GSE1: variants seen among roughly 807,000 people sequenced by gnomAD.
GSE1 encodes genetic suppressor element 1.
GSE1 carries 32 observed loss-of-function variants against 112.6 expected under a neutral mutation model. The observed-to-expected ratio is 0.28, with a 90% CI of 0.21 to 0.38. The LOEUF is 0.38. Ranked by LOEUF, GSE1 falls within the 10% of genes least tolerant of loss-of-function variation. The pLI is 1.00. For missense variants in GSE1, 2,348 were observed against 1,699.2 expected (o/e 1.38, Z -6.71); for synonymous variants, 1,115 against 735.6 (o/e 1.52, Z -8.35).
chr16:85,607,416 C>CGCTCACA (rs1221202827), upstream of GSE1, among the ~76,000 whole-genome samples: 1 of 152,244 alleles, frequency 6.6e-6, no homozygotes, highest in Non-Finnish European at 1.5e-5. Flanking sequence ...GGCTCGGCGG[C>CGCTCACA]GCTCACAAAG....
chr16:85,272,195 T>C (rs1312411704), intron 1 of GSE1, among the ~76,000 whole-genome samples: 1 of 152,230 alleles, frequency 6.6e-6, no homozygotes, highest in Non-Finnish European at 1.5e-5. Flanking sequence ...TTTGGATGTC[T>C]GAGTTTGGGC....
At chr16:85,651,606 C>T (rs577619307) in intron 3 of GSE1, among the ~76,000 whole-genome samples, 8 of 152,276 alleles carry the variant, frequency 5.3e-5, no homozygotes, top group East Asian at 1.9e-4. Context: ...GGGCAGCATG[C>T]GGAGGAGGGC....
Position 85,305,230 on chromosome 16 carries a change from C to T in GSE1, c.2284-52233C>T, listed in dbSNP as rs552733895. Among the ~76,000 whole-genome samples the T allele has an allele frequency of 2.8e-4, 43 of 152,352 alleles. No individual in the cohort carries two copies. In the East Asian group the frequency reaches 4.1e-3, roughly 14 times the overall value. On this transcript the variant is annotated intron_variant, in intron 1 of 2. Transcript: ENST00000637419. ...CCACAAAATACTGATGTCCTGGCCT[C>T]GTTCCAGTCCGCGAAGCTAGAATCT...
At chr16:85,321,874 G>C (rs778779240) in intron 1 of GSE1, among the ~76,000 whole-genome samples, 1 of 152,114 alleles carries the variant, frequency 6.6e-6, no homozygotes, top group Non-Finnish European at 1.5e-5. Context: ...TAGAGTAACA[G>C]CCTCGGACAC....
At chr16:85,602,794 C>T (rs1323169586) in intron 1 of GSE1, among the ~76,000 whole-genome samples, 1 of 152,364 alleles carries the variant, frequency 6.6e-6, no homozygotes, top group Middle Eastern at 3.4e-3. Flanking sequence ...GGTGTCCAGG[C>T]TCAGCAGGTG....
chr16:85,465,837 A>G (rs1011859572), intron 2 of GSE1, among the ~76,000 whole-genome samples: 6 of 152,238 alleles, frequency 3.9e-5, no homozygotes, highest in African/African-American at 1.4e-4. Flanking sequence ...TAGGTGCCCA[A>G]TAAATGTTTG....
intron 2 of GSE1, among the ~76,000 whole-genome samples, chr16:85,472,100 G>T (rs900265579): frequency 1.4e-4 from 21 of 152,142 alleles, no homozygotes; most frequent in African/African-American, 3.9e-4. Flanking sequence ...CCAGACACCT[G>T]CCCAGACATT....
intron 1 of GSE1, among the ~76,000 whole-genome samples, chr16:85,297,393 C>T (rs2151453508): frequency 6.6e-6 from 1 of 152,352 alleles, no homozygotes; most frequent in East Asian, 1.9e-4. Flanking sequence ...CTGTAAATCC[C>T]TTAGACTTTG....
At chr16:85,290,741 C>T (rs561586475) in intron 1 of GSE1, among the ~76,000 whole-genome samples, 7 of 152,154 alleles carry the variant, frequency 4.6e-5, no homozygotes, top group East Asian at 1.9e-4. Context: ...TGGCCACCCA[C>T]GAGCTGTCCG....
At chr16:85,276,243 T>C (rs574523773) in intron 1 of GSE1, among the ~76,000 whole-genome samples, 1 of 152,362 alleles carries the variant, frequency 6.6e-6, no homozygotes, top group African/African-American at 2.4e-5. Flanking sequence ...ATGCTGAGCA[T>C]TGCTTTCTGA....
chr16:85,189,445 A>G (rs1366389317), intron 1 of GSE1, among the ~76,000 whole-genome samples: 2 of 152,214 alleles, frequency 1.3e-5, no homozygotes, highest in Non-Finnish European at 2.9e-5. Context: ...CATTCCTGAA[A>G]AGCACTGCAC....
intron 2 of GSE1, among the ~76,000 whole-genome samples, chr16:85,365,753 CTT>C (rs2047173150): frequency 6.6e-6 from 1 of 152,248 alleles, no homozygotes; most frequent in African/African-American, 2.4e-5. Flanking sequence ...CACTCTCTCT[CTT>C]CTAGCCATGT....
Position 85,668,504 on chromosome 16 carries a change from G to A in GSE1, c.3415+80G>A, listed in dbSNP as rs148753997. The stretch of plus-strand genomic sequence containing the variant: ...GGAAGCTGAGTGATGAGTTCATGCA[G>A]ACCTCTGCCAGCCTGGGGACTGTTT... On this transcript the variant is annotated intron_variant, in intron 14 of 15. Transcript: ENST00000253458. 121 of 944,336 alleles carry A rather than the reference G, an allele frequency of 1.3e-4. 1 individual carries two copies. In the African/African-American group the frequency reaches 1.7e-3, roughly 13 times the overall value. The allele number at this position is 944,336 out of a possible 1,614,324, so 58.5% of individuals were successfully genotyped here.
chr16:85,347,261 C>A (rs892011753), intron 1 of GSE1, among the ~76,000 whole-genome samples: 2 of 152,096 alleles, frequency 1.3e-5, no homozygotes, highest in Non-Finnish European at 2.9e-5. Flanking sequence ...CGTGGTGAGC[C>A]GGTCTGAGCT....
intron 1 of GSE1, among the ~76,000 whole-genome samples, chr16:85,196,730 G>A (rs1284678314): frequency 6.6e-6 from 1 of 152,194 alleles, no homozygotes. Flanking sequence ...AAGGCTCCCT[G>A]TGTTGGGAGG....
At chr16:85,306,750 C>G (rs1413448387) in intron 1 of GSE1, among the ~76,000 whole-genome samples, 1 of 152,080 alleles carries the variant, frequency 6.6e-6, no homozygotes, top group Non-Finnish European at 1.5e-5. Flanking sequence ...AGCGGGCCAC[C>G]TCCAGCCCTG....
At chr16:85,495,540 A>G (rs1453102130) in intron 2 of GSE1, among the ~76,000 whole-genome samples, 1 of 151,596 alleles carries the variant, frequency 6.6e-6, no homozygotes, top group Admixed American at 6.6e-5. Context: ...TGTCGGGCCC[A>G]GGCTGGGGTG....
At chr16:85,574,562 C>T (rs754321377) in intron 1 of GSE1, among the ~76,000 whole-genome samples, 7 of 152,262 alleles carry the variant, frequency 4.6e-5, no homozygotes, top group Non-Finnish European at 8.8e-5. Flanking sequence ...TCGTAGAACA[C>T]ACCCAAAGCC....
intron 1 of GSE1, among the ~76,000 whole-genome samples, chr16:85,324,291 C>G (rs1395792995): frequency 6.6e-6 from 1 of 152,182 alleles, no homozygotes; most frequent in Admixed American, 6.5e-5. Context: ...AGGTGGATCA[C>G]CTGGGGTCAG....
Sources: gnomAD v4.1 joint callset for allele counts (sites outside exome capture counted in the v4.1 genomes callset) on GRCh38, gnomAD v4.1.1 for gene constraint, MANE v1.5 for transcripts, NCBI Gene and HGNC (gene_info 2026-07-23, HGNC 2026-07-21) for gene names.